The following NRG3 variants were observed in gnomAD, a reference collection of about 807,000 sequenced individuals.
NRG3 encodes neuregulin 3.
In NRG3, 31 loss-of-function variants were observed where a neutral mutation model predicts 66.9. The observed-to-expected ratio is 0.46, with a 90% CI of 0.35 to 0.63. The LOEUF (loss-of-function observed/expected upper bound fraction) is 0.63. NRG3 is among the 20% of genes least tolerant of loss of function. The probability of loss-of-function intolerance (pLI) is 0.00; values close to 1 mark genes in which losing one functional copy is unlikely to be tolerated. For missense variants in NRG3, 910 were observed against 878.9 expected (o/e 1.04, Z -0.45); for synonymous variants, 393 against 359.4 (o/e 1.09, Z -1.06).
At chr10:82,570,550 T>G (rs1028377490) in intron 2 of NRG3, among the ~76,000 whole-genome samples, 2 of 151,558 alleles carry the variant, frequency 1.3e-5, no homozygotes, top group African/African-American at 2.4e-5. Flanking sequence ...GGTAGACCTG[T>G]TTTTTAACTG....
chr10:82,142,804 A>G (rs910972725), intron 1 of NRG3, among the ~76,000 whole-genome samples: 30 of 124,848 alleles, frequency 2.4e-4, no homozygotes, highest in Non-Finnish European at 2.2e-4. Flanking sequence ...GCAAGACTCT[A>G]TCTATCTCCA....
At chr10:82,276,359 T>G (rs2078848222) in intron 1 of NRG3, among the ~76,000 whole-genome samples, 1 of 152,034 alleles carries the variant, frequency 6.6e-6, no homozygotes, top group South Asian at 2.1e-4. Flanking sequence ...ATGTACTTCT[T>G]ATTCTCAATT....
rs113219452 is a variant in NRG3 at position 82,490,951 on chromosome 10, G to A, written c.953+132083G>A. ...TCAATATGGCAGCCAATATGGCAGCGTGACCAAAATGTGTCCCGTTATGTC... is the reference window on the plus strand; with the variant it reads ...TCAATATGGCAGCCAATATGGCAGCATGACCAAAATGTGTCCCGTTATGTC... On this transcript the variant is annotated intron_variant, in intron 2 of 8. Coordinates refer to ENST00000372141, the MANE Select transcript of NRG3 (RefSeq NM_001010848.4). Among the ~76,000 whole-genome samples, 291 of 152,090 alleles carry A rather than the reference G, an allele frequency of 1.9e-3. 1 individual carries two copies. Among genetic ancestry groups the A allele is most frequent in the East Asian group, 9.9e-3 (51 of 5,160 alleles).
chr10:82,832,064 CTT>C (rs2062556181), intron 3 of NRG3, among the ~76,000 whole-genome samples: 1 of 152,144 alleles, frequency 6.6e-6, no homozygotes, highest in African/African-American at 2.4e-5. Flanking sequence ...TATTTTCTCA[CTT>C]TGCATCACAT....
chr10:82,030,661 T>A (rs1274996138), intron 1 of NRG3, among the ~76,000 whole-genome samples: 3 of 151,740 alleles, frequency 2.0e-5, no homozygotes, highest in Admixed American at 2.0e-4. Flanking sequence ...GTTTTCCTTT[T>A]TGGAATTATG....
intron 1 of NRG3, among the ~76,000 whole-genome samples, chr10:82,119,498 A>G (rs1390704302): frequency 6.6e-6 from 1 of 152,176 alleles, no homozygotes; most frequent in Non-Finnish European, 1.5e-5. Context: ...GAGGCATGAA[A>G]AATATAAATA....
chr10:81,898,111 G>A (rs1277785288), intron 1 of NRG3, among the ~76,000 whole-genome samples: 1 of 152,186 alleles, frequency 6.6e-6, no homozygotes, highest in African/African-American at 2.4e-5. Context: ...GGAAGGGATG[G>A]CCTGCTAATC....
At chr10:82,673,968 T>G (rs2134061294) in intron 2 of NRG3, among the ~76,000 whole-genome samples, 1 of 151,614 alleles carries the variant, frequency 6.6e-6, no homozygotes, top group East Asian at 1.9e-4. Flanking sequence ...AAAAGGCGGG[T>G]TTAGGAGAAT....
At chr10:82,532,390 T>C (rs1590526903) in intron 2 of NRG3, among the ~76,000 whole-genome samples, 1 of 150,892 alleles carries the variant, frequency 6.6e-6, no homozygotes, top group African/African-American at 2.4e-5. Context: ...TAGTAATCCA[T>C]TGTACTATAT....
At chr10:81,889,353 T>A (rs1040023876) in intron 1 of NRG3, 5 of 152,218 alleles carry the variant, frequency 3.3e-5, no homozygotes, top group Non-Finnish European at 5.9e-5. Flanking sequence ...TCTGTACTCA[T>A]CACATGGTGA....
chr10:82,005,517 T>C (rs1039167685), intron 1 of NRG3, among the ~76,000 whole-genome samples: 1 of 152,192 alleles, frequency 6.6e-6, no homozygotes, highest in South Asian at 2.1e-4. Flanking sequence ...ATGACATTTC[T>C]GTAAACATGC....
At chr10:82,081,470 C>T (rs561794287) in intron 1 of NRG3, among the ~76,000 whole-genome samples, 21 of 151,934 alleles carry the variant, frequency 1.4e-4, no homozygotes, top group East Asian at 1.9e-4. Flanking sequence ...CTTTAACTGC[C>T]GCAATCTGGC....
chr10:81,880,888 C>T (rs535226686), intron 1 of NRG3, among the ~76,000 whole-genome samples: 4 of 152,262 alleles, frequency 2.6e-5, no homozygotes, highest in African/African-American at 9.6e-5. Flanking sequence ...TTGACAAATA[C>T]ATTTTGAGAT....
At chr10:81,903,220 T>C (rs1473262321) in intron 1 of NRG3, among the ~76,000 whole-genome samples, 1 of 152,176 alleles carries the variant, frequency 6.6e-6, no homozygotes, top group African/African-American at 2.4e-5. Flanking sequence ...TAAAAAATTT[T>C]TTAGAGACTC....
intron 2 of NRG3, among the ~76,000 whole-genome samples, chr10:82,628,089 AGT>A (rs905933925): frequency 6.6e-6 from 1 of 152,218 alleles, no homozygotes; most frequent in Non-Finnish European, 1.5e-5. Flanking sequence ...TTGAACTCAC[AGT>A]CTTTGCACCA....
intron 2 of NRG3, among the ~76,000 whole-genome samples, chr10:82,486,877 A>G (rs1348914678): frequency 6.6e-6 from 1 of 152,070 alleles, no homozygotes; most frequent in Non-Finnish European, 1.5e-5. Context: ...AATCAGCCGA[A>G]CCCACAGAAG....
At chr10:81,915,499 T>TTTTTTTTTTTG (rs1845610322) in intron 1 of NRG3, among the ~76,000 whole-genome samples, 1 of 150,598 alleles carries the variant, frequency 6.6e-6, no homozygotes, top group African/African-American at 2.5e-5. Context: ...TTCTTTAGTT[T>TTTTTTTTTTTG]TTTTTTTTTT....
intron 1 of NRG3, among the ~76,000 whole-genome samples, chr10:82,298,284 A>G (rs918590672): frequency 1.0e-4 from 15 of 150,286 alleles, no homozygotes; most frequent in Non-Finnish European, 1.8e-4. Context: ...GAGAGGGAGG[A>G]AGGAAGGAAG....
At chr10:82,266,871 A>G (rs1215967163) in intron 1 of NRG3, among the ~76,000 whole-genome samples, 2 of 152,188 alleles carry the variant, frequency 1.3e-5, no homozygotes, top group Non-Finnish European at 2.9e-5. Context: ...ATTTCTATGT[A>G]TTCCCTTAGC....
Sources: allele counts gnomAD v4.1 joint callset (sites outside exome capture counted in the v4.1 genomes callset), GRCh38; gene constraint gnomAD v4.1.1; transcripts MANE v1.5; gene names NCBI Gene and HGNC (gene_info 2026-07-23, HGNC 2026-07-21).